AKAP19: variants seen among roughly 807,000 people sequenced by gnomAD.
AKAP19 encodes the protein small A-kinase anchoring protein.
At chr2:190,075,999 T>C in the AKAP19 span, among the ~76,000 whole-genome samples, 3 of 152,218 alleles carry the variant, frequency 2.0e-5, no homozygotes, top group Non-Finnish European at 4.4e-5. Context: ...TTAATTATCA[T>C]AGTCTACCTT....
the AKAP19 span, among the ~76,000 whole-genome samples, chr2:190,016,286 G>A: frequency 2.9e-3 from 438 of 152,334 alleles, 1 homozygote; most frequent in Non-Finnish European, 4.4e-3. Flanking sequence ...TGGCTGGGGA[G>A]GCCTCAGGAA....
At chr2:190,171,244 A>C in the AKAP19 span, among the ~76,000 whole-genome samples, 3 of 150,314 alleles carry the variant, frequency 2.0e-5, no homozygotes, top group African/African-American at 2.4e-5. Flanking sequence ...AAAAAAAAAA[A>C]CAAACAGTGC....
At chr2:190,119,321 A>G in the AKAP19 span, among the ~76,000 whole-genome samples, 1 of 152,252 alleles carries the variant, frequency 6.6e-6, no homozygotes, top group Admixed American at 6.5e-5. Flanking sequence ...CTTAGGTAGT[A>G]TCAGCCAGTT....
the AKAP19 span, among the ~76,000 whole-genome samples, chr2:190,155,129 T>C: frequency 1.3e-5 from 2 of 152,130 alleles, no homozygotes; most frequent in Non-Finnish European, 2.9e-5. Flanking sequence ...GGGGGACATT[T>C]TCTCTCCCCC....
the AKAP19 span, among the ~76,000 whole-genome samples, chr2:190,173,449 C>T: frequency 6.6e-6 from 1 of 152,184 alleles, no homozygotes; most frequent in East Asian, 1.9e-4. Flanking sequence ...TCATAGAGGG[C>T]ATACACTGTA....
chr2:190,194,043 G>A, the AKAP19 span, among the ~76,000 whole-genome samples: 1 of 151,980 alleles, frequency 6.6e-6, no homozygotes, highest in Non-Finnish European at 1.5e-5. Flanking sequence ...TGTCCCATGG[G>A]TTATTTAGAA....
At chr2:190,097,382 G>A in the AKAP19 span, among the ~76,000 whole-genome samples, 1 of 152,240 alleles carries the variant, frequency 6.6e-6, no homozygotes. Flanking sequence ...AGATATTGAT[G>A]GCAGCTGACT....
At chr2:190,012,692 C>T in the AKAP19 span, among the ~76,000 whole-genome samples, 5 of 152,134 alleles carry the variant, frequency 3.3e-5, no homozygotes. Flanking sequence ...TGTTCCTGAT[C>T]TTAAAGGAAA....
At chr2:189,891,699 G>A in the AKAP19 span, among the ~76,000 whole-genome samples, 1 of 152,008 alleles carries the variant, frequency 6.6e-6, no homozygotes, top group Non-Finnish European at 1.5e-5. Context: ...TGAATCTAAT[G>A]ATTATGTGTC....
chr2:189,945,495 C>T, the AKAP19 span, among the ~76,000 whole-genome samples: 11 of 152,214 alleles, frequency 7.2e-5, no homozygotes, highest in Non-Finnish European at 1.6e-4. Context: ...AGTCACCCAA[C>T]TAAGTCATTC....
chr2:190,146,650 C>T, the AKAP19 span, among the ~76,000 whole-genome samples: 1 of 152,336 alleles, frequency 6.6e-6, no homozygotes, highest in South Asian at 2.1e-4. Context: ...TCACCGCATC[C>T]ATGCAAGCAT....
the AKAP19 span, among the ~76,000 whole-genome samples, chr2:190,007,291 G>T: frequency 6.6e-6 from 1 of 152,106 alleles, no homozygotes; most frequent in East Asian, 1.9e-4. Context: ...TCCAAAAATT[G>T]AGTGGGAACT....
chr2:190,084,302 A>G, the AKAP19 span, among the ~76,000 whole-genome samples: 2 of 152,084 alleles, frequency 1.3e-5, no homozygotes, highest in Non-Finnish European at 2.9e-5. Flanking sequence ...CATGTTGGCC[A>G]GGCTGGTTTC....
chr2:189,962,895 A>G, the AKAP19 span, among the ~76,000 whole-genome samples: 1 of 151,962 alleles, frequency 6.6e-6, no homozygotes, highest in Non-Finnish European at 1.5e-5. Flanking sequence ...TATATATAAT[A>G]CAATATAGAA....
At chr2:189,942,075 TA>T in the AKAP19 span, among the ~76,000 whole-genome samples, 1 of 152,172 alleles carries the variant, frequency 6.6e-6, no homozygotes, top group East Asian at 1.9e-4. Context: ...AGGGTCACTA[TA>T]AAATGACAAA....
the AKAP19 span, among the ~76,000 whole-genome samples, chr2:189,967,293 C>A: frequency 6.6e-6 from 1 of 152,120 alleles, no homozygotes; most frequent in Non-Finnish European, 1.5e-5. Context: ...GAATAGGGAA[C>A]CTAGGTTGTC....
chr2:189,935,813 G>A, the AKAP19 span, among the ~76,000 whole-genome samples: 1 of 152,032 alleles, frequency 6.6e-6, no homozygotes, highest in East Asian at 1.9e-4. Flanking sequence ...CAAAAGATGT[G>A]TATAATATTA....
At chr2:189,972,958 A>G in the AKAP19 span, among the ~76,000 whole-genome samples, 1 of 152,120 alleles carries the variant, frequency 6.6e-6, no homozygotes, top group Non-Finnish European at 1.5e-5. Context: ...TCTTTTCCTA[A>G]TTGAATATCC....
chr2:189,937,088 T>A, the AKAP19 span, among the ~76,000 whole-genome samples: 1 of 152,076 alleles, frequency 6.6e-6, no homozygotes. Flanking sequence ...TGAGCTATGA[T>A]CATGCGACTG....
Sources: gnomAD v4.1 joint callset for allele counts (sites outside exome capture counted in the v4.1 genomes callset) on GRCh38, gnomAD v4.1.1 for gene constraint, MANE v1.5 for transcripts, NCBI Gene and HGNC (gene_info 2026-07-23, HGNC 2026-07-21) for gene names.